PRKCE: variants seen among roughly 807,000 people sequenced by gnomAD.
PRKCE encodes the protein protein kinase C epsilon, also known as protein kinase C epsilon type.
A neutral mutation model predicts 85.4 loss-of-function variants in PRKCE; 16 were observed. The observed-to-expected ratio is 0.19, with a 90% CI of 0.13 to 0.28. The LOEUF is 0.28. PRKCE is among the 10% of genes least tolerant of loss of function. The pLI, the probability that PRKCE is intolerant of heterozygous loss-of-function variation, is 1.00. For synonymous variants in PRKCE, 388 were observed against 371.5 expected, an observed-to-expected ratio of 1.04 and a Z score of -0.51; for missense variants, 573 against 975.2, an observed-to-expected ratio of 0.59 and a Z score of 5.49.
chr2:45,888,746 C>T (rs1188439012), intron 2 of PRKCE, among the ~76,000 whole-genome samples: 1 of 152,170 alleles, frequency 6.6e-6, no homozygotes, highest in Non-Finnish European at 1.5e-5. Flanking sequence ...GCCATCGCAC[C>T]TGGCCAGAAA....
At chr2:45,743,539 A>G (rs1682759585) in intron 1 of PRKCE, among the ~76,000 whole-genome samples, 1 of 151,116 alleles carries the variant, frequency 6.6e-6, no homozygotes, top group Non-Finnish European at 1.5e-5. Flanking sequence ...TGCTCCGGAG[A>G]AAGGAACCAG....
chr2:46,031,758 T>G (rs1353425702), intron 10 of PRKCE, among the ~76,000 whole-genome samples: 1 of 152,118 alleles, frequency 6.6e-6, no homozygotes, highest in African/African-American at 2.4e-5. Flanking sequence ...TAAAATCGGC[T>G]GATTTAGCAG....
At chr2:45,854,884 G>C (rs1692554574) in intron 2 of PRKCE, among the ~76,000 whole-genome samples, 1 of 152,200 alleles carries the variant, frequency 6.6e-6, no homozygotes, top group Non-Finnish European at 1.5e-5. Context: ...GATGACAAGG[G>C]TTACAAGGAG....
intron 1 of PRKCE, among the ~76,000 whole-genome samples, chr2:45,761,350 AT>A: frequency 6.6e-6 from 1 of 150,852 alleles, no homozygotes; most frequent in Admixed American, 6.6e-5. Flanking sequence ...AAAAAAAAAA[AT>A]CTAAGTACAG....
intron 2 of PRKCE, among the ~76,000 whole-genome samples, chr2:45,940,458 ATGT>A (rs1463601687): frequency 6.6e-6 from 1 of 152,240 alleles, no homozygotes; most frequent in Non-Finnish European, 1.5e-5. Context: ...ACATTTCAAA[ATGT>A]TGTTGCTGGT....
chr2:45,721,448 A>G (rs4952768), intron 1 of PRKCE, among the ~76,000 whole-genome samples: 14,987 of 152,186 alleles, frequency 0.098, 1,805 homozygotes, highest in African/African-American at 0.27. Context: ...GGAGTGCAGA[A>G]GGTGGAATTC....
At chr2:46,172,497 G>T (rs935229648) in intron 14 of PRKCE, among the ~76,000 whole-genome samples, 2 of 132,214 alleles carry the variant, frequency 1.5e-5, no homozygotes, top group East Asian at 3.9e-4. Flanking sequence ...GGGCCTGGGC[G>T]TGCCTGGGCG....
chr2:45,853,169 C>T (rs1379757753), intron 2 of PRKCE, among the ~76,000 whole-genome samples: 2 of 152,166 alleles, frequency 1.3e-5, no homozygotes, highest in Non-Finnish European at 2.9e-5. Context: ...TCCCCATTCT[C>T]CTTTCTTATG....
Position 45,661,510 on chromosome 2 carries a change from TGTTTTG to T in PRKCE, c.348+9063_348+9068del, listed in dbSNP as rs1558533844. Among the ~76,000 whole-genome samples, 163 of 140,172 alleles carry T rather than the reference TGTTTTG, an allele frequency of 1.2e-3. 2 individuals are homozygous for T. The highest frequency in any genetic ancestry group is 4.3e-3 in the African/African-American group (160 of 37,584). 92.0% of individuals were successfully genotyped at this position (140,172 alleles called of 152,430 possible). Reference sequence around the variant, plus strand: ...GCTTCAAGAAGAGTTTTTTTTGTTTTGTTTTGTTTTTTGTTTTTTGTTTTTTTTTTT... The same window carrying T: ...GCTTCAAGAAGAGTTTTTTTTGTTTTTTTTTTGTTTTTTGTTTTTTTTTTT... On this transcript the variant is annotated intron_variant, in intron 1 of 14. Transcript: ENST00000306156.
At chr2:45,755,724 A>G (rs1683949072) in intron 1 of PRKCE, among the ~76,000 whole-genome samples, 2 of 152,066 alleles carry the variant, frequency 1.3e-5, no homozygotes, top group Non-Finnish European at 2.9e-5. Flanking sequence ...TGGCTTGTAT[A>G]TATTATTGTA....
At chr2:45,753,625 G>C (rs1173251570) in intron 1 of PRKCE, among the ~76,000 whole-genome samples, 1 of 152,106 alleles carries the variant, frequency 6.6e-6, no homozygotes, top group South Asian at 2.1e-4. Context: ...CAGATCGGCT[G>C]CTGCGCCCAT....
chr2:46,149,412 G>A (rs1676387087), intron 12 of PRKCE, among the ~76,000 whole-genome samples: 2 of 151,976 alleles, frequency 1.3e-5, no homozygotes, highest in Non-Finnish European at 1.5e-5. Flanking sequence ...GACCTGGATA[G>A]GTCATCTCAT....
At chr2:45,984,316 C>A (rs534390183) in intron 5 of PRKCE, among the ~76,000 whole-genome samples, 1 of 152,204 alleles carries the variant, frequency 6.6e-6, no homozygotes, top group Non-Finnish European at 1.5e-5. Flanking sequence ...GGGGAGTAGG[C>A]CTGGCCTTGC....
intron 11 of PRKCE, among the ~76,000 whole-genome samples, chr2:46,106,235 G>C (rs1339024911): frequency 6.6e-6 from 1 of 152,128 alleles, no homozygotes; most frequent in Non-Finnish European, 1.5e-5. Context: ...GAAGCTATTT[G>C]AGCTCACACC....
At chr2:46,180,162 C>G (rs1280673843) in intron 14 of PRKCE, among the ~76,000 whole-genome samples, 1 of 152,112 alleles carries the variant, frequency 6.6e-6, no homozygotes, top group Non-Finnish European at 1.5e-5. Context: ...AAGCTTTGCT[C>G]AAGCAGCCCT....
At chr2:45,746,794 C>T (rs1449424899) in intron 1 of PRKCE, among the ~76,000 whole-genome samples, 1 of 152,128 alleles carries the variant, frequency 6.6e-6, no homozygotes, top group Non-Finnish European at 1.5e-5. Flanking sequence ...CCTGCCTACC[C>T]AAATGATTTC....
chr2:45,666,018 C>T (rs968816879), intron 1 of PRKCE, among the ~76,000 whole-genome samples: 1 of 152,094 alleles, frequency 6.6e-6, no homozygotes, highest in Non-Finnish European at 1.5e-5. Flanking sequence ...AGAAGGCCTC[C>T]TACCTTAACG....
chr2:45,824,645 T>G (rs1174744483), intron 1 of PRKCE, among the ~76,000 whole-genome samples: 1 of 152,166 alleles, frequency 6.6e-6, no homozygotes, highest in Non-Finnish European at 1.5e-5. Context: ...TATTTTATTA[T>G]GGAAAATTTC....
At chr2:46,141,556 T>C (rs1191062392) in intron 11 of PRKCE, among the ~76,000 whole-genome samples, 1 of 152,188 alleles carries the variant, frequency 6.6e-6, no homozygotes, top group East Asian at 1.9e-4. Flanking sequence ...TTCATACTTT[T>C]TGGTTTTTTG....
Sources: allele counts gnomAD v4.1 joint callset (sites outside exome capture counted in the v4.1 genomes callset), GRCh38; gene constraint gnomAD v4.1.1; transcripts MANE v1.5; gene names NCBI Gene and HGNC (gene_info 2026-07-23, HGNC 2026-07-21).